The following PRKAG1 variants were observed in gnomAD, a reference collection of about 807,000 sequenced individuals.
PRKAG1 encodes protein kinase AMP-activated non-catalytic subunit gamma 1.
Under a neutral mutation model 48.2 loss-of-function variants are expected in PRKAG1, and 27 were observed. That is an observed-to-expected ratio of 0.56 (90% CI 0.41 to 0.77). The LOEUF (loss-of-function observed/expected upper bound fraction) is 0.77. Among genes scored for constraint, PRKAG1 ranks in the 30% least tolerant of loss-of-function variants. The pLI, the probability that PRKAG1 is intolerant of heterozygous loss-of-function variation, is 0.00. For synonymous variants in PRKAG1, 130 were observed against 147.7 expected (o/e 0.88, Z 0.87); for missense variants, 287 against 398.3 (o/e 0.72, Z 2.38).
chr12:49,011,980 C>T (rs568957321), intron 2 of PRKAG1, among the ~76,000 whole-genome samples: 12 of 152,304 alleles, frequency 7.9e-5, no homozygotes, highest in Admixed American at 7.8e-4. Flanking sequence ...GCCTCAGCCT[C>T]CCGAGTAGCT....
chr12:49,018,711 C>A (rs1346453432), intron 1 of PRKAG1, 21 bp downstream of exon 1: 4 of 1,613,314 alleles, frequency 2.5e-6, no homozygotes, highest in East Asian at 2.2e-5. Flanking sequence ...GCGCCCCCGA[C>A]CGCCCTCCTG....
chr12:49,002,965 C>T lies in PRKAG1; in HGVS notation c.930G>A (p.Lys310=). 6.2e-7 allele frequency: 1 copy of T among 1,614,222 alleles called. No homozygotes were observed. Among genetic ancestry groups the T allele is most frequent in the African/African-American group, 1.3e-5 (1 of 75,044 alleles). ...LVVVDENDVV[K]GIVSLSDILQ... ...GGATGTCAGACAGTGATACAATTCCCTTGACCACATCATTTTCATCCACCA... is the reference window on the plus strand; with the variant it reads ...GGATGTCAGACAGTGATACAATTCCTTTGACCACATCATTTTCATCCACCA... The change falls in exon 12 of 12, where the codon AAG becomes AAA. Residue 310 remains lysine, a synonymous_variant. Transcript: ENST00000548065.
Position 49,003,207 on chromosome 12 carries a change from AC to A in PRKAG1, c.824del (p.Gly275ValfsTer18). 1 of 1,614,082 alleles carries A rather than the reference AC, an allele frequency of 6.2e-7. No homozygotes were observed. The highest frequency in any genetic ancestry group is 8.5e-7 in the Non-Finnish European group (1 of 1,180,016). On this transcript the variant is annotated frameshift_variant, in exon 11 of 12. Coordinates refer to ENST00000548065, the MANE Select transcript of PRKAG1 (RefSeq NM_002733.5). LOFTEE classifies it high-confidence loss of function. Reference sequence around the variant, plus strand: ...TCTCATGCAGGTAGCACTTGAGAACACCCTCAAAGTAATGTGATCGATGTTG... The same window carrying A: ...TCTCATGCAGGTAGCACTTGAGAACACCTCAAAGTAATGTGATCGATGTTG... ...ALQHRSHYFE[G>X]VLKCYLHETL...
At position 49,002,585 on chromosome 12, in the gene PRKAG1, C is replaced by A. The variant is rs1941334046; in HGVS notation, c.*314G>T. The A allele has an allele frequency of 2.3e-6, 1 of 441,348 alleles. No individual in the cohort carries two copies. The highest frequency in any genetic ancestry group is 4.2e-6 in the Non-Finnish European group (1 of 236,386). The allele number at this position is 441,348 out of a possible 1,614,324, so 27.3% of individuals were successfully genotyped here. ...GCAGAGGCAAGTGAGGTCTGGGGAT[C>A]TCTTAGAGATCAGAATTTGTCTGAG... On this transcript the variant is annotated 3_prime_UTR_variant, in exon 12 of 12. Transcript: ENST00000548065.
intron 2 of PRKAG1, among the ~76,000 whole-genome samples, chr12:49,012,378 CTTTT>C (rs112289958): frequency 7.0e-6 from 1 of 142,262 alleles, no homozygotes; most frequent in Non-Finnish European, 1.5e-5. Context: ...TTTTTTCTTT[CTTTT>C]TTTTTTTTTT....
intron 2 of PRKAG1, chr12:49,009,407 T>TTC (rs1253120264): frequency 6.6e-6 from 1 of 151,476 alleles, no homozygotes; most frequent in Non-Finnish European, 1.5e-5. Context: ...CCACTGCACC[T>TTC]TCTCTCCTAT....
intron 1 of PRKAG1, 130 bp from the exon 2 acceptor site, chr12:49,013,240 AC>A: frequency 2.6e-6 from 2 of 769,910 alleles, no homozygotes; most frequent in Non-Finnish European, 4.2e-6. Flanking sequence ...CCCCCGCCAA[AC>A]CCTTTTTTTT....
At chr12:49,010,295 T>C (rs1194925901) in intron 2 of PRKAG1, among the ~76,000 whole-genome samples, 1 of 152,208 alleles carries the variant, frequency 6.6e-6, no homozygotes, top group Non-Finnish European at 1.5e-5. Context: ...TAAGTGAGCC[T>C]TGCTGACAGT....
intron 7 of PRKAG1, 103 bp downstream of exon 7, chr12:49,004,861 G>GTGTGTGTA (rs1322665271): frequency 1.8e-5 from 19 of 1,035,400 alleles, no homozygotes; most frequent in South Asian, 2.8e-5. Context: ...GTGTGTGTGT[G>GTGTGTGTA]TCTTTTCTCT....
chr12:49,003,042 A>AGT, intron 11 of PRKAG1, 36 bp from the exon 12 acceptor site: 1 of 1,613,020 alleles, frequency 6.2e-7, no homozygotes, highest in Non-Finnish European at 8.5e-7. Context: ...GGGAATGTTT[A>AGT]GTGCTGGCCT....
chr12:49,006,973 A>AAAAT (rs759230482), intron 2 of PRKAG1, among the ~76,000 whole-genome samples: 195 of 150,238 alleles, frequency 1.3e-3, no homozygotes, highest in Non-Finnish European at 2.2e-3. Flanking sequence ...CCGTGTCAAA[A>AAAAT]AAATAAATAA....
chr12:49,003,410 CATTCA>C (rs1388357395), intron 10 of PRKAG1, 120 bp from the exon 11 acceptor site: 1 of 1,530,580 alleles, frequency 6.5e-7, no homozygotes, highest in East Asian at 2.3e-5. Flanking sequence ...ACACCCAACT[CATTCA>C]ATTCCTTTTC....
At chr12:49,012,152 C>T (rs1208207507) in intron 2 of PRKAG1, among the ~76,000 whole-genome samples, 2 of 151,858 alleles carry the variant, frequency 1.3e-5, no homozygotes, top group Admixed American at 6.6e-5. Context: ...TCACCATGCC[C>T]GGCCCAGCTG....
chr12:49,017,495 A>T (rs1460635640), intron 1 of PRKAG1: 1 of 263,232 alleles, frequency 3.8e-6, no homozygotes. Flanking sequence ...TACAGGCGTG[A>T]GCCACCACAC....
chr12:49,003,505 A>C, intron 10 of PRKAG1, 53 bp downstream of exon 10: 4 of 1,569,358 alleles, frequency 2.5e-6, no homozygotes, highest in Non-Finnish European at 3.5e-6. Context: ...CATATTTAAC[A>C]GTGCCCCCCC....
intron 2 of PRKAG1, among the ~76,000 whole-genome samples, chr12:49,010,946 C>T (rs1232049462): frequency 6.6e-6 from 1 of 151,742 alleles, no homozygotes; most frequent in African/African-American, 2.4e-5. Flanking sequence ...TGAGTTCAAG[C>T]GATTCTCATG....
At chr12:49,010,237 ATAACT>A (rs1941701757) in intron 2 of PRKAG1, among the ~76,000 whole-genome samples, 1 of 152,222 alleles carries the variant, frequency 6.6e-6, no homozygotes, top group Admixed American at 6.5e-5. Context: ...AACTTAAACC[ATAACT>A]TAAGAGTGGA....
intron 2 of PRKAG1, chr12:49,008,494 C>T (rs1476230526): frequency 1.3e-5 from 2 of 152,208 alleles, no homozygotes; most frequent in Non-Finnish European, 2.9e-5. Flanking sequence ...TCATCACCAT[C>T]CTGGGTACCC....
chr12:49,004,388 G>T, intron 8 of PRKAG1, 119 bp downstream of exon 8: 2 of 1,352,186 alleles, frequency 1.5e-6, no homozygotes, highest in Non-Finnish European at 2.0e-6. Flanking sequence ...AGGATCACTT[G>T]AGCTCAGGAG....
Sources: allele counts gnomAD v4.1 joint callset (sites outside exome capture counted in the v4.1 genomes callset), GRCh38; gene constraint gnomAD v4.1.1; transcripts MANE v1.5; gene names NCBI Gene and HGNC (gene_info 2026-07-23, HGNC 2026-07-21).